CCDC192: variants seen among roughly 807,000 people sequenced by gnomAD.
CCDC192 encodes coiled-coil domain containing 192.
chr5:127,898,965 C>G (rs1247591969), intron 6 of CCDC192, among the ~76,000 whole-genome samples: 1 of 152,180 alleles, frequency 6.6e-6, no homozygotes, highest in African/African-American at 2.4e-5. Context: ...GTGGCACCTA[C>G]TCTGGCTCCA....
At chr5:127,710,682 C>G (rs73343085) in intron 2 of CCDC192, among the ~76,000 whole-genome samples, 5 of 152,020 alleles carry the variant, frequency 3.3e-5, no homozygotes, top group African/African-American at 1.2e-4. Flanking sequence ...CCTCTGAATC[C>G]GTAGAGCAGC....
rs373446749 is a variant in CCDC192 at position 127,813,486 on chromosome 5, G to A, written c.411+15324G>A. Among the ~76,000 whole-genome samples the A allele has an allele frequency of 1.4e-4, 22 of 152,172 alleles. No homozygotes were observed. The East Asian group carries it at 3.3e-3, about 23-fold the overall frequency. On this transcript the variant is annotated intron_variant, in intron 5 of 6. Transcript: ENST00000514853. ...CATCTGCAGTTTTTTATCATTTGTA[G>A]TGTTTCAAATATAAATAATTCTATG...
intron 2 of CCDC192, among the ~76,000 whole-genome samples, chr5:127,719,837 G>GGT (rs1241789294): frequency 6.7e-6 from 1 of 149,614 alleles, no homozygotes; most frequent in Non-Finnish European, 1.5e-5. Flanking sequence ...GAAGGGGCGG[G>GGT]GGAGGTGACA....
chr5:127,786,461 G>T, intron 3 of CCDC192: 1 of 628,800 alleles, frequency 1.6e-6, no homozygotes, highest in South Asian at 1.8e-5. Flanking sequence ...TCACAGTTTT[G>T]TATTGATGGT....
At chr5:127,819,167 C>T (rs1177655532) in intron 5 of CCDC192, among the ~76,000 whole-genome samples, 5 of 152,042 alleles carry the variant, frequency 3.3e-5, no homozygotes, top group African/African-American at 1.2e-4. Context: ...TAAAGACCCC[C>T]TACTGTCCCT....
At chr5:127,911,574 C>A (rs866529413) in intron 6 of CCDC192, among the ~76,000 whole-genome samples, 5 of 151,928 alleles carry the variant, frequency 3.3e-5, no homozygotes, top group African/African-American at 1.2e-4. Context: ...TATAGATATA[C>A]AAAGAGACAA....
At chr5:127,908,267 T>C (rs572500475) in intron 6 of CCDC192, among the ~76,000 whole-genome samples, 1 of 152,328 alleles carries the variant, frequency 6.6e-6, no homozygotes, top group South Asian at 2.1e-4. Context: ...CAAACACATT[T>C]ATTTCCCCTG....
At chr5:127,890,023 G>C (rs965972795) in intron 6 of CCDC192, among the ~76,000 whole-genome samples, 1 of 151,992 alleles carries the variant, frequency 6.6e-6, no homozygotes, top group East Asian at 1.9e-4. Context: ...CTAGTGCTTA[G>C]CATTGTCTCC....
intron 6 of CCDC192, among the ~76,000 whole-genome samples, chr5:127,904,629 G>A (rs1248974875): frequency 6.6e-6 from 1 of 151,510 alleles, no homozygotes; most frequent in Non-Finnish European, 1.5e-5. Flanking sequence ...CAGCCCCTGA[G>A]TAGCCGGGAT....
At chr5:127,837,825 T>C (rs973337735) in intron 5 of CCDC192, among the ~76,000 whole-genome samples, 1 of 151,950 alleles carries the variant, frequency 6.6e-6, no homozygotes, top group African/African-American at 2.4e-5. Context: ...TCATCTCTAG[T>C]AAAATACAAA....
intron 3 of CCDC192, chr5:127,787,076 A>T (rs945150005): frequency 3.9e-6 from 1 of 256,234 alleles, no homozygotes; most frequent in Admixed American, 4.0e-5. Context: ...CAGTGCAGCA[A>T]TCCTTATTCA....
intron 2 of CCDC192, among the ~76,000 whole-genome samples, chr5:127,730,606 G>A (rs140411613): frequency 0.016 from 2,458 of 152,210 alleles, 61 homozygotes; most frequent in African/African-American, 0.056. Context: ...GAACATTGAT[G>A]CAAAAATCCT....
At chr5:127,919,610 G>T (rs1423186867) in intron 6 of CCDC192, among the ~76,000 whole-genome samples, 1 of 152,116 alleles carries the variant, frequency 6.6e-6, no homozygotes, top group African/African-American at 2.4e-5. Flanking sequence ...TGTGCAACAG[G>T]CTTTCCTCAG....
At chr5:127,745,230 T>G (rs1753671028) in intron 2 of CCDC192, among the ~76,000 whole-genome samples, 1 of 152,084 alleles carries the variant, frequency 6.6e-6, no homozygotes, top group Admixed American at 6.6e-5. Context: ...GGTCAAAGAG[T>G]TTGTACAGCT....
chr5:127,878,529 C>G (rs1328437641), intron 6 of CCDC192, among the ~76,000 whole-genome samples: 1 of 152,084 alleles, frequency 6.6e-6, no homozygotes, highest in Non-Finnish European at 1.5e-5. Flanking sequence ...GGTGATGCAT[C>G]CCTGTAATCC....
At position 127,920,020 on chromosome 5, in the gene CCDC192, G is replaced by A. The variant is rs567973176; in HGVS notation, c.536-21162G>A. Reference sequence around the variant, plus strand: ...TTATTCTTGGATCTGACAGACTTATGTCTATACATGCAGAGCTACACACAC... The same window carrying A: ...TTATTCTTGGATCTGACAGACTTATATCTATACATGCAGAGCTACACACAC... On this transcript the variant is annotated intron_variant, in intron 6 of 6. Coordinates refer to ENST00000514853, the MANE Select transcript of CCDC192 (RefSeq NM_001317938.2). Among the ~76,000 whole-genome samples, 21 of 152,282 alleles carry A rather than the reference G, an allele frequency of 1.4e-4. 1 individual carries two copies. The highest frequency in any genetic ancestry group is 2.1e-4 in the Non-Finnish European group (14 of 68,028).
chr5:127,756,726 C>A (rs1157348220), intron 3 of CCDC192, among the ~76,000 whole-genome samples: 1 of 152,252 alleles, frequency 6.6e-6, no homozygotes, highest in Non-Finnish European at 1.5e-5. Context: ...CAGGCAAGAA[C>A]AGGGTCTTTT....
At chr5:127,922,213 T>C (rs1753741912) in intron 6 of CCDC192, among the ~76,000 whole-genome samples, 3 of 152,216 alleles carry the variant, frequency 2.0e-5, no homozygotes, top group Admixed American at 2.0e-4. Context: ...CCCTAGATTT[T>C]TCCATAAGTT....
intron 5 of CCDC192, among the ~76,000 whole-genome samples, chr5:127,861,320 T>C (rs1580763954): frequency 6.6e-6 from 1 of 150,720 alleles, no homozygotes; most frequent in Non-Finnish European, 1.5e-5. Context: ...TCTTGGGTAG[T>C]TTTTGAAATA....
Sources: allele counts gnomAD v4.1 joint callset (sites outside exome capture counted in the v4.1 genomes callset), GRCh38; gene constraint gnomAD v4.1.1; transcripts MANE v1.5; gene names NCBI Gene and HGNC (gene_info 2026-07-23, HGNC 2026-07-21).